SGCZ: variants seen among roughly 807,000 people sequenced by gnomAD.
The protein encoded by SGCZ is sarcoglycan zeta.
Under a neutral mutation model 41.3 loss-of-function variants are expected in SGCZ, and 40 were observed. The ratio of observed to expected loss-of-function variants is 0.97; its 90% CI spans 0.75 to 1.26. The LOEUF (loss-of-function observed/expected upper bound fraction) is 1.26. Ranked by LOEUF, SGCZ falls within the 50% of genes most tolerant of loss-of-function variation. The pLI is 0.00. For missense variants in SGCZ, 552 were observed against 369.8 expected, an observed-to-expected ratio of 1.49 and a Z score of -4.04; for synonymous variants, 206 against 137.5, an observed-to-expected ratio of 1.50 and a Z score of -3.49.
chr8:14,336,436 T>C (rs1802508775), intron 2 of SGCZ, among the ~76,000 whole-genome samples: 1 of 152,150 alleles, frequency 6.6e-6, no homozygotes, highest in South Asian at 2.1e-4. Context: ...AATGATTATA[T>C]TCCTTTGGGT....
chr8:14,621,802 G>T (rs926851159), intron 1 of SGCZ, among the ~76,000 whole-genome samples: 1 of 152,048 alleles, frequency 6.6e-6, no homozygotes, highest in Non-Finnish European at 1.5e-5. Flanking sequence ...GACAAGTTGG[G>T]ATTACAATTT....
At chr8:14,592,230 G>A (rs918836890) in intron 1 of SGCZ, among the ~76,000 whole-genome samples, 1 of 151,980 alleles carries the variant, frequency 6.6e-6, no homozygotes, top group African/African-American at 2.4e-5. Context: ...AAAATGAGGG[G>A]AGTGAAGAAT....
intron 2 of SGCZ, among the ~76,000 whole-genome samples, chr8:14,476,576 T>G (rs1801367947): frequency 6.6e-6 from 1 of 152,168 alleles, no homozygotes; most frequent in African/African-American, 2.4e-5. Context: ...TGAGAGGACA[T>G]CTGCTTATCT....
intron 4 of SGCZ, chr8:14,165,001 T>A: frequency 3.4e-6 from 1 of 291,386 alleles, no homozygotes; most frequent in South Asian, 3.8e-5. Flanking sequence ...TTTGCTTTGT[T>A]CTCTGTTGCA....
chr8:15,236,097 C>T (rs1205865811), intron 1 of SGCZ, among the ~76,000 whole-genome samples: 1 of 152,192 alleles, frequency 6.6e-6, no homozygotes, highest in Non-Finnish European at 1.5e-5. Flanking sequence ...ATCAAATCTG[C>T]CTCCTCCCTA....
chr8:14,274,371 G>T (rs1001276096), intron 3 of SGCZ, among the ~76,000 whole-genome samples: 5 of 152,090 alleles, frequency 3.3e-5, no homozygotes, highest in African/African-American at 1.2e-4. Flanking sequence ...GAGACAGTTG[G>T]TCCATAAATA....
At chr8:14,434,219 T>C (rs755799705) in intron 2 of SGCZ, among the ~76,000 whole-genome samples, 9 of 152,214 alleles carry the variant, frequency 5.9e-5, no homozygotes, top group Admixed American at 1.3e-4. Flanking sequence ...ATTTGTTGAA[T>C]AGGGTGTCCT....
chr8:15,157,901 C>T (rs922077602), intron 1 of SGCZ, among the ~76,000 whole-genome samples: 7 of 152,180 alleles, frequency 4.6e-5, no homozygotes, highest in African/African-American at 1.4e-4. Flanking sequence ...ACCATCTGGC[C>T]TTGTTGTTCC....
chr8:14,390,147 T>C (rs1804717476), intron 2 of SGCZ, among the ~76,000 whole-genome samples: 1 of 151,932 alleles, frequency 6.6e-6, no homozygotes, highest in African/African-American at 2.4e-5. Context: ...ATTTAGGACA[T>C]AGAATTTGTA....
chr8:14,666,610 T>G (rs1048767219), intron 1 of SGCZ, among the ~76,000 whole-genome samples: 1 of 149,960 alleles, frequency 6.7e-6, no homozygotes, highest in African/African-American at 2.5e-5. Context: ...TCTTTGGAAC[T>G]GAGAAGGAGA....
chr8:14,914,499 A>G (rs2130781760), intron 1 of SGCZ, among the ~76,000 whole-genome samples: 1 of 151,974 alleles, frequency 6.6e-6, no homozygotes, highest in East Asian at 1.9e-4. Context: ...CTATTTGGCA[A>G]AAGGTCGTTT....
intron 7 of SGCZ, among the ~76,000 whole-genome samples, chr8:14,100,521 TTAA>T (rs1484501800): frequency 7.2e-6 from 1 of 137,942 alleles, no homozygotes; most frequent in Non-Finnish European, 1.6e-5. Flanking sequence ...ATATATTATA[TTAA>T]TATATTTTCA....
At chr8:14,458,787 A>G (rs1800820518) in intron 2 of SGCZ, among the ~76,000 whole-genome samples, 1 of 152,176 alleles carries the variant, frequency 6.6e-6, no homozygotes, top group Non-Finnish European at 1.5e-5. Context: ...CCCCAGAAGC[A>G]ATGAGGACAC....
At chr8:14,712,086 T>A (rs556823106) in intron 1 of SGCZ, among the ~76,000 whole-genome samples, 1 of 152,318 alleles carries the variant, frequency 6.6e-6, no homozygotes, top group African/African-American at 2.4e-5. Flanking sequence ...CTGGCCAACA[T>A]GGCGAATCCT....
intron 2 of SGCZ, among the ~76,000 whole-genome samples, chr8:14,541,071 A>G (rs1047529215): frequency 7.9e-5 from 12 of 151,416 alleles, no homozygotes; most frequent in African/African-American, 2.7e-4. Flanking sequence ...ATATGTGTAT[A>G]TACAAAAACA....
chr8:14,270,385 C>T (rs1001250519), intron 3 of SGCZ, among the ~76,000 whole-genome samples: 4 of 151,914 alleles, frequency 2.6e-5, no homozygotes, highest in East Asian at 1.9e-4. Context: ...AAATTTTACA[C>T]TTAAGGTTTT....
chr8:14,332,355 G>A (rs928572583), intron 2 of SGCZ, among the ~76,000 whole-genome samples: 1 of 152,020 alleles, frequency 6.6e-6, no homozygotes, highest in African/African-American at 2.4e-5. Flanking sequence ...GCAGGAGAAT[G>A]GTGTGAACCC....
chr8:14,631,316 G>A (rs1056776165), intron 1 of SGCZ, among the ~76,000 whole-genome samples: 2 of 151,966 alleles, frequency 1.3e-5, no homozygotes, highest in African/African-American at 4.8e-5. Context: ...TTTAATGAGA[G>A]CATTCTCTAT....
rs548172755 is a variant in SGCZ at position 14,924,840 on chromosome 8, T to C, written c.39+312745A>G. 2.1e-3 allele frequency among the ~76,000 whole-genome samples: 319 copies of C among 149,792 alleles called. 1 individual carries two copies. Among genetic ancestry groups the C allele is most frequent in the Middle Eastern group, 3.5e-3 (1 of 288 alleles). On this transcript the variant is annotated intron_variant, in intron 1 of 7. Coordinates refer to ENST00000382080, the MANE Select transcript of SGCZ (RefSeq NM_139167.4). ...TAAGTATGGTTCCTGTATGTCTTTATCTAGGAATTTAAGACTTTTTTTTTT... is the reference window on the plus strand; with the variant it reads ...TAAGTATGGTTCCTGTATGTCTTTACCTAGGAATTTAAGACTTTTTTTTTT...
Sources: gnomAD v4.1 joint callset for allele counts (sites outside exome capture counted in the v4.1 genomes callset) on GRCh38, gnomAD v4.1.1 for gene constraint, MANE v1.5 for transcripts, NCBI Gene and HGNC (gene_info 2026-07-23, HGNC 2026-07-21) for gene names.